Variants in PLXND1 observed in about 807,000 individuals in gnomAD.
PLXND1 encodes plexin D1, also known as plexin-D1.
In PLXND1, 54 loss-of-function variants were observed where a neutral mutation model predicts 197.7. That is an observed-to-expected ratio of 0.27 (90% confidence interval 0.22 to 0.34). The LOEUF is 0.34. Among genes scored for constraint, PLXND1 ranks in the 10% least tolerant of loss-of-function variants. The pLI, the probability that PLXND1 is intolerant of heterozygous loss-of-function variation, is 1.00. For synonymous variants in PLXND1, 1,180 were observed against 1,161.2 expected (o/e 1.02, Z -0.33); for missense variants, 2,127 against 2,699.2 (o/e 0.79, Z 4.70).
Position 129,575,507 on chromosome 3 carries a change from C to T in PLXND1, c.2492G>A (p.Arg831Gln), listed in dbSNP as rs747937468. The T allele has an allele frequency of 2.0e-5, 31 of 1,555,928 alleles. No homozygotes were observed. In the Middle Eastern group the frequency reaches 5.0e-4, roughly 25 times the overall value. ...AGGGCTGTCCAGGAATCGGGCTGGC[C>T]GCCCCTTTAGTTGGAGGCTGAGCGG... ...VFPLSLQLKG[R>Q]PARFLDSPEP... Residue 831 changes from arginine (R) to glutamine (Q), a missense_variant, in exon 11 of 36, where the codon CGG becomes CAG. By Grantham distance (43) the Arg-to-Gln change is conservative. Coordinates refer to ENST00000324093, the MANE Select transcript of PLXND1 (RefSeq NM_015103.3).
At chr3:129,598,986 C>A (rs183344519) in intron 1 of PLXND1, among the ~76,000 whole-genome samples, 20 of 152,334 alleles carry the variant, frequency 1.3e-4, no homozygotes, top group African/African-American at 4.8e-4. Flanking sequence ...GCAACAACCA[C>A]AGTAATTATG....
In PLXND1 at chr3:129,577,301, G is replaced by A. The variant is rs1408272364; in HGVS notation, c.2346+1028C>T. Among the ~76,000 whole-genome samples the A allele has an allele frequency of 6.6e-6, 1 of 152,178 alleles. No homozygotes were observed. The highest frequency in any genetic ancestry group is 1.5e-5 in the Non-Finnish European group (1 of 68,020). On this transcript the variant is annotated intron_variant, in intron 9 of 35. Coordinates refer to ENST00000324093, the MANE Select transcript of PLXND1 (RefSeq NM_015103.3). This position sits in a 1 kb window ranked among gnomAD's most constrained non-coding sequence, Gnocchi z 5.0. ...GGCGCCCCTGCAGCTCGGTCAGAGT[G>A]GAGGCTGCCCCACCACACAGCTGGG... is the stretch of plus-strand genomic sequence containing the variant.
intron 13 of PLXND1, 29 bp from the exon 14 acceptor site, chr3:129,572,970 G>C (rs562160966): frequency 1.3e-6 from 2 of 1,559,994 alleles, no homozygotes; most frequent in Non-Finnish European, 1.8e-6. Context: ...GTCAGCCAGC[G>C]GTCCTTGGCC....
Position 129,570,893 on chromosome 3 carries a change from C to G in PLXND1, c.3643G>C (p.Val1215Leu), listed in dbSNP as rs576577594. The change falls in exon 19 of 36, where the codon GTC becomes CTC. Residue 1215 changes from valine to leucine, a missense_variant. By Grantham distance (32) the Val-to-Leu change is conservative (BLOSUM62 1). This residue lies in a region of PLXND1 where 532 missense variants were observed against 811.0 expected (regional missense o/e 0.66). Transcript: ENST00000324093. ...TCGCAGCTTACTTGGCCTATCTTGACCCGGTACTCGTGACTCTGGAGCCCC... is the reference window on the plus strand; with the variant it reads ...TCGCAGCTTACTTGGCCTATCTTGAGCCGGTACTCGTGACTCTGGAGCCCC... ...SLGLQSHEYRVKIGQVSCDIQ... is the reference protein window; with the variant it reads ...SLGLQSHEYRLKIGQVSCDIQ... 1 of 1,614,218 alleles carries G rather than the reference C, an allele frequency of 6.2e-7. No homozygotes were observed. The highest frequency in any genetic ancestry group is 1.1e-5 in the South Asian group (1 of 91,090).
Position 129,558,666 on chromosome 3 carries a change from T to C in PLXND1, c.5298-91A>G. On this transcript the variant is annotated intron_variant, in intron 32 of 35. Transcript: ENST00000324093. This position sits in a 1 kb window ranked among gnomAD's most constrained non-coding sequence, Gnocchi z 4.1. ...TGGAGGAGAGAGCTGGCTTTGTCCC[T>C]CAAGGGCCTGAGGTTGGAGCCTTGT... The C allele has an allele frequency of 7.7e-7, 1 of 1,292,406 alleles. No individual in the cohort carries two copies. 80.1% of individuals were successfully genotyped at this position (1,292,406 alleles called of 1,614,324 possible).
rs1380548040 is a variant in PLXND1 at position 129,560,689 on chromosome 3, C to T, written c.5028G>A (p.Leu1676=). The change falls in exon 30 of 36, where the codon TTG becomes TTA. Residue 1676 remains leucine (L), a splice_region_variant and synonymous_variant. Transcript: ENST00000324093. ...CCCGGGGCCGAGGTTGGGCACTCACCAAATGGAAATACTTCTCTGTGTCCA... is the reference window on the plus strand; with the variant it reads ...CCCGGGGCCGAGGTTGGGCACTCACTAAATGGAAATACTTCTCTGTGTCCA... ...KDLDTEKYFH[L]VLPTDELAEP... The T allele has an allele frequency of 6.2e-7, 1 of 1,604,482 alleles. No homozygotes were observed. Among genetic ancestry groups the T allele is most frequent in the Non-Finnish European group, 8.5e-7 (1 of 1,171,342 alleles).
At chr3:129,560,765 AGGAG>A in intron 29 of PLXND1, 42 bp from the exon 30 acceptor site, 1 of 1,188,020 alleles carries the variant, frequency 8.4e-7, no homozygotes, top group Non-Finnish European at 1.3e-6. Flanking sequence ...GGGAGAGGAG[AGGAG>A]AGAAACAGAA....
chr3:129,593,432 C>T (rs879284125), intron 1 of PLXND1, among the ~76,000 whole-genome samples: 7 of 152,224 alleles, frequency 4.6e-5, no homozygotes, highest in East Asian at 1.9e-4. Flanking sequence ...TCAGCGCCCC[C>T]GGTGTCTGGA....
rs2625999 is a variant in PLXND1, at chr3:129,586,863, A to C, written c.1489-144T>G. ...GAGGGGTGGGAAGTCACGGGCGTGC[A>C]GGGGAGGGCACAGGGCCGGGCCTTG... On this transcript the variant is annotated intron_variant, in intron 2 of 35. Coordinates refer to ENST00000324093, the MANE Select transcript of PLXND1 (RefSeq NM_015103.3). 4.3e-3 allele frequency: 3,959 copies of C among 916,692 alleles called. 13 individuals carry two copies. Among genetic ancestry groups the C allele is most frequent in the Middle Eastern group, 9.8e-3 (29 of 2,956 alleles). 56.8% of individuals were successfully genotyped at this position (916,692 alleles called of 1,614,324 possible).
rs1362475544 is a variant in PLXND1 at position 129,577,790 on chromosome 3, A to G, written c.2346+539T>C. ...GACGAGCACTGGTTGGGGAGTCCAG[A>G]GCTAAGCACAAGTCCAGCCCTGTGT... On this transcript the variant is annotated intron_variant, in intron 9 of 35. Transcript: ENST00000324093. The surrounding 1 kb of genome is among the most constrained non-coding windows in gnomAD (Gnocchi z 5.0). 6.6e-6 allele frequency among the ~76,000 whole-genome samples: 1 copy of G among 152,196 alleles called. No homozygotes were observed. The highest frequency in any genetic ancestry group is 1.5e-5 in the Non-Finnish European group (1 of 68,030).
chr3:129,598,769 G>A (rs570390228), intron 1 of PLXND1, among the ~76,000 whole-genome samples: 2 of 152,232 alleles, frequency 1.3e-5, no homozygotes, highest in South Asian at 4.1e-4. Flanking sequence ...GGAATGAGGG[G>A]TCACAGGCGC....
chr3:129,568,908 G>A (rs939477178), intron 20 of PLXND1, among the ~76,000 whole-genome samples: 2 of 152,128 alleles, frequency 1.3e-5, no homozygotes, highest in African/African-American at 4.8e-5. Context: ...TAATTTTAGA[G>A]CATTTTTGCT....
At chr3:129,569,617 G>A (rs181406512) in intron 20 of PLXND1, 33 of 517,558 alleles carry the variant, frequency 6.4e-5, no homozygotes, top group African/African-American at 1.3e-4. Flanking sequence ...GGACCTGGGC[G>A]TGGGCCTAGC....
At chr3:129,578,036 G>A (rs919553668) in intron 9 of PLXND1, among the ~76,000 whole-genome samples, 3 of 152,206 alleles carry the variant, frequency 2.0e-5, no homozygotes, top group Non-Finnish European at 4.4e-5. Flanking sequence ...GCTGTGGCAC[G>A]GGGCAGGAGA....
chr3:129,578,464 CAG>C (rs2085344568), intron 8 of PLXND1, 31 bp from the exon 9 acceptor site: 7 of 1,374,046 alleles, frequency 5.1e-6, no homozygotes, highest in Non-Finnish European at 7.1e-6. Flanking sequence ...GAGGGTGACA[CAG>C]GGGCATTTCA....
Position 129,556,146 on chromosome 3 carries a change from C to T in PLXND1, c.*166G>A, listed in dbSNP as rs575128830. On this transcript the variant is annotated 3_prime_UTR_variant, in exon 36 of 36. Coordinates refer to ENST00000324093, the MANE Select transcript of PLXND1 (RefSeq NM_015103.3). ...GGATGGAGGTGCCCAGGGGTCAAGG[C>T]GGGGGCGCCCCTGTCTCAGAGAGCA... The T allele has an allele frequency of 1.6e-4, 101 of 622,710 alleles. No individual in the cohort carries two copies. The highest frequency in any genetic ancestry group is 1.5e-3 in the African/African-American group (82 of 55,042). The allele number at this position is 622,710 out of a possible 1,614,324, so 38.6% of individuals were successfully genotyped here.
chr3:129,595,917 G>GCACA lies in PLXND1; in HGVS notation c.1312-6391_1312-6390insTGTG, dbSNP rs1416714939. 9.5e-4 allele frequency among the ~76,000 whole-genome samples: 22 copies of GCACA among 23,130 alleles called. No homozygotes were observed. In the South Asian group the frequency reaches 0.014, roughly 15 times the overall value. 15.2% of individuals were successfully genotyped at this position (23,130 alleles called of 152,430 possible). A position where few individuals can be genotyped will look rare whatever the true frequency, so the allele number is the denominator to read the frequency against. ...GCACCTTACAGCCCTGGGGGTGCACGCACGCACACACACACACACACACAC... is the reference window on the plus strand; with the variant it reads ...GCACCTTACAGCCCTGGGGGTGCACGCACACACGCACACACACACACACACACAC... On this transcript the variant is annotated intron_variant, in intron 1 of 35. Coordinates refer to ENST00000324093, the MANE Select transcript of PLXND1 (RefSeq NM_015103.3).
intron 8 of PLXND1, among the ~76,000 whole-genome samples, chr3:129,581,239 TAAACATC>T (rs2085383884): frequency 6.6e-6 from 1 of 152,204 alleles, no homozygotes; most frequent in Non-Finnish European, 1.5e-5. Context: ...AATGCCAAAT[TAAACATC>T]AGTTCAGAGC....
rs1560070237 is a variant in PLXND1, at chr3:129,575,872, G to GT, written c.2347-18dup. 1.4e-5 allele frequency: 22 copies of GT among 1,549,682 alleles called. No individual in the cohort carries two copies. Among genetic ancestry groups the GT allele is most frequent in the Non-Finnish European group, 2.0e-5 (22 of 1,123,216 alleles). ...GGCTGCACCCTGTGGGAAACAGGGA[G>GT]TGGGAGGCGGGTTTGAGGAGAACCA... On this transcript the variant is annotated splice_polypyrimidine_tract_variant and intron_variant, in intron 9 of 35. Transcript: ENST00000324093.
Sources: gnomAD v4.1 joint callset for allele counts (sites outside exome capture counted in the v4.1 genomes callset) on GRCh38, gnomAD v4.1.1 for gene constraint, gnomAD v4.1.1 regional missense constraint, Gnocchi (gnomAD v3.1) non-coding constraint, MANE v1.5 for transcripts, NCBI Gene and HGNC (gene_info 2026-07-23, HGNC 2026-07-21) for gene names.